Variants in NEDD4L observed in about 807,000 individuals in gnomAD.
NEDD4L encodes the protein NEDD4 like E3 ubiquitin protein ligase.
In NEDD4L, 54 loss-of-function variants were observed where a neutral mutation model predicts 148.9. The observed-to-expected ratio is 0.36, with a 90% CI of 0.29 to 0.45. The LOEUF (loss-of-function observed/expected upper bound fraction) is 0.45, where lower values mean the gene tolerates loss of function less well. Among genes scored for constraint, NEDD4L ranks in the 20% least tolerant of loss-of-function variants. NEDD4L has a pLI of 1.00. For synonymous variants in NEDD4L, 433 were observed against 440.7 expected (o/e 0.98, Z 0.22); for missense variants, 856 against 1,233.8 (o/e 0.69, Z 4.59).
At chr18:58,119,137 A>G (rs527299544) in intron 1 of NEDD4L, among the ~76,000 whole-genome samples, 1 of 152,284 alleles carries the variant, frequency 6.6e-6, no homozygotes, top group East Asian at 1.9e-4. Context: ...CTAAGCTCTC[A>G]GGCTCTGCAG....
rs58608106 is a variant in NEDD4L at position 58,063,949 on chromosome 18, CTTTTTTTTTTTTTTTTTTTTTT to C, written c.48+19253_48+19274del. Among the ~76,000 whole-genome samples the C allele has an allele frequency of 6.4e-4, 83 of 129,874 alleles. 2 individuals carry two copies. The East Asian group carries it at 0.012, about 18-fold the overall frequency. 85.2% of individuals were successfully genotyped at this position (129,874 alleles called of 152,430 possible). A position where few individuals can be genotyped will look rare whatever the true frequency, so the allele number is the denominator to read the frequency against. On this transcript the variant is annotated intron_variant, in intron 1 of 30. Coordinates refer to ENST00000400345, the MANE Select transcript of NEDD4L (RefSeq NM_001144967.3). ...TTGCCTTATTTTTACTATAATGTTT[CTTTTTTTTTTTTTTTTTTTTTT>C]TTTTTTTTTTTGAGACGGAGTCTTG...
At chr18:58,303,142 G>A (rs1006633176) in intron 5 of NEDD4L, among the ~76,000 whole-genome samples, 5 of 152,162 alleles carry the variant, frequency 3.3e-5, no homozygotes, top group African/African-American at 1.2e-4. Flanking sequence ...TGCAAGCATG[G>A]GCACTTGAAT....
At chr18:58,051,492 G>A (rs2081867806) in intron 1 of NEDD4L, among the ~76,000 whole-genome samples, 1 of 152,154 alleles carries the variant, frequency 6.6e-6, no homozygotes, top group African/African-American at 2.4e-5. Flanking sequence ...TATGCCCATT[G>A]CTAATTTAAT....
chr18:58,058,597 T>G (rs1429098557), intron 1 of NEDD4L, among the ~76,000 whole-genome samples: 1 of 152,202 alleles, frequency 6.6e-6, no homozygotes, highest in East Asian at 1.9e-4. Context: ...AAGAATTAAC[T>G]GAAGGAATTT....
At chr18:58,261,659 C>T (rs1449574196) in intron 5 of NEDD4L, among the ~76,000 whole-genome samples, 2 of 152,098 alleles carry the variant, frequency 1.3e-5, no homozygotes, top group Non-Finnish European at 2.9e-5. Flanking sequence ...GTAAAAACTA[C>T]CTTAAAATGT....
At chr18:58,178,681 G>C (rs967378877) in intron 2 of NEDD4L, among the ~76,000 whole-genome samples, 1 of 152,256 alleles carries the variant, frequency 6.6e-6, no homozygotes, top group Middle Eastern at 3.2e-3. Context: ...ACAAGGGATA[G>C]AAAATATGCC....
chr18:58,317,701 G>T (rs1375855658), intron 6 of NEDD4L, among the ~76,000 whole-genome samples: 1 of 152,170 alleles, frequency 6.6e-6, no homozygotes, highest in African/African-American at 2.4e-5. Flanking sequence ...ATTCTGAGTG[G>T]AGGCAGGGTC....
chr18:58,117,905 C>T lies in NEDD4L; in HGVS notation c.49-47883C>T, dbSNP rs193273643. Among the ~76,000 whole-genome samples the T allele has an allele frequency of 1.1e-4, 16 of 152,364 alleles. No individual in the cohort carries two copies. The East Asian group carries it at 2.5e-3, about 24-fold the overall frequency. On this transcript the variant is annotated intron_variant, in intron 1 of 30. Transcript: ENST00000400345. ...TGCTGCCAGGAGAAGCTTCCCCTCT[C>T]CTAACCTCTGGATAGTGGCTGGCTC...
intron 18 of NEDD4L, among the ~76,000 whole-genome samples, chr18:58,351,588 G>GA (rs1279276324): frequency 1.3e-4 from 19 of 151,908 alleles, no homozygotes; most frequent in Non-Finnish European, 2.4e-4. Flanking sequence ...CAGCACCTAT[G>GA]AAAAAATGTG....
intron 28 of NEDD4L, 25 bp from the exon 29 acceptor site, chr18:58,390,621 A>G (rs2146968070): frequency 4.6e-6 from 7 of 1,506,666 alleles, no homozygotes; most frequent in East Asian, 4.8e-5. Context: ...TGGGGGGTAT[A>G]ATGACCTTCT....
At chr18:58,281,045 A>G (rs2052986542) in intron 5 of NEDD4L, among the ~76,000 whole-genome samples, 1 of 151,996 alleles carries the variant, frequency 6.6e-6, no homozygotes, top group African/African-American at 2.4e-5. Flanking sequence ...GCATGCAATC[A>G]TGGCTCACTG....
At chr18:58,343,443 A>G (rs2042680009) in intron 16 of NEDD4L, among the ~76,000 whole-genome samples, 1 of 152,260 alleles carries the variant, frequency 6.6e-6, no homozygotes. Flanking sequence ...ACTAGGAGTT[A>G]TAATCATTTT....
At chr18:58,086,536 G>A (rs2083768380) in intron 1 of NEDD4L, among the ~76,000 whole-genome samples, 1 of 152,098 alleles carries the variant, frequency 6.6e-6, no homozygotes, top group African/African-American at 2.4e-5. Context: ...AAAAATATTA[G>A]GGAAAAACTT....
intron 8 of NEDD4L, among the ~76,000 whole-genome samples, chr18:58,323,946 C>T (rs1407170551): frequency 6.6e-6 from 1 of 152,172 alleles, no homozygotes; most frequent in Non-Finnish European, 1.5e-5. Context: ...CTCATATTCT[C>T]AAAGTGTCCA....
chr18:58,145,293 A>G (rs1038471197), intron 1 of NEDD4L, among the ~76,000 whole-genome samples: 2 of 152,198 alleles, frequency 1.3e-5, no homozygotes, highest in African/African-American at 2.4e-5. Context: ...AGAAGATAGT[A>G]AATAACCAGA....
Position 58,302,284 on chromosome 18 carries a change from C to T in NEDD4L, c.298-13698C>T, listed in dbSNP as rs146644518. On this transcript the variant is annotated intron_variant, in intron 5 of 30. Transcript: ENST00000400345. ...TTTCTAAAATCCCAAGAGAGTGTCC[C>T]CGTTTTGAGGTTAGAGCACGTTTTT... 2.0e-5 allele frequency among the ~76,000 whole-genome samples: 3 copies of T among 152,250 alleles called. No homozygotes were observed. In the East Asian group the frequency reaches 5.8e-4, roughly 29 times the overall value.
At chr18:58,205,309 T>G (rs1353459499) in intron 2 of NEDD4L, among the ~76,000 whole-genome samples, 1 of 142,514 alleles carries the variant, frequency 7.0e-6, no homozygotes, top group Non-Finnish European at 1.5e-5. Context: ...TAATCTGTTG[T>G]GTTCACAAAT....
chr18:58,239,118 G>C (rs543022897), intron 2 of NEDD4L, among the ~76,000 whole-genome samples: 5 of 152,306 alleles, frequency 3.3e-5, no homozygotes, highest in African/African-American at 1.2e-4. Flanking sequence ...AACTTTCTGT[G>C]GGTTAGCTAA....
chr18:58,148,149 G>C (rs1030916120), intron 1 of NEDD4L, among the ~76,000 whole-genome samples: 1 of 146,196 alleles, frequency 6.8e-6, no homozygotes, highest in Non-Finnish European at 1.5e-5. Flanking sequence ...AACAGAAATT[G>C]ATTCCACACT....
Sources: allele counts gnomAD v4.1 joint callset (sites outside exome capture counted in the v4.1 genomes callset), GRCh38; gene constraint gnomAD v4.1.1; transcripts MANE v1.5; gene names NCBI Gene and HGNC (gene_info 2026-07-23, HGNC 2026-07-21).